DSCAM: variants seen among roughly 807,000 people sequenced by gnomAD.
DSCAM encodes cell adhesion molecule DSCAM.
DSCAM carries 47 observed loss-of-function variants against 217.7 expected under a neutral mutation model. The observed-to-expected ratio is 0.22, with a 90% CI of 0.17 to 0.28. The LOEUF (loss-of-function observed/expected upper bound fraction) is 0.28. Ranked by LOEUF, DSCAM falls within the 10% of genes least tolerant of loss-of-function variation. DSCAM has a pLI of 1.00. For missense variants in DSCAM, 2,080 were observed against 2,618.3 expected (o/e 0.79, Z 4.49); for synonymous variants, 1,056 against 1,015.3 (o/e 1.04, Z -0.76).
intron 1 of DSCAM, among the ~76,000 whole-genome samples, chr21:40,755,177 G>A (rs779881046): frequency 6.6e-6 from 1 of 152,194 alleles, no homozygotes; most frequent in Non-Finnish European, 1.5e-5. Context: ...TCCAGTTACG[G>A]TGGCTCATGC....
intron 3 of DSCAM, among the ~76,000 whole-genome samples, chr21:40,576,263 A>T (rs2076849740): frequency 6.6e-6 from 1 of 152,264 alleles, no homozygotes; most frequent in South Asian, 2.1e-4. Context: ...CAGCAACAAC[A>T]TGTGTGAATT....
chr21:40,190,865 G>C (rs1027240404), intron 11 of DSCAM, among the ~76,000 whole-genome samples: 2 of 152,150 alleles, frequency 1.3e-5, no homozygotes, highest in African/African-American at 4.8e-5. Flanking sequence ...ACAGTTGTCA[G>C]ATACAGACTG....
intron 3 of DSCAM, among the ~76,000 whole-genome samples, chr21:40,606,954 T>A (rs948830622): frequency 1.3e-5 from 2 of 152,212 alleles, no homozygotes; most frequent in African/African-American, 4.8e-5. Context: ...CCTGCTGCCA[T>A]CCTTGTAAAA....
intron 11 of DSCAM, among the ~76,000 whole-genome samples, chr21:40,235,334 A>G (rs2091417725): frequency 6.6e-6 from 1 of 152,192 alleles, no homozygotes; most frequent in Non-Finnish European, 1.5e-5. Flanking sequence ...TTGCCTTATG[A>G]AGTAGGAAAA....
chr21:40,407,971 C>T (rs1569108277), intron 3 of DSCAM, among the ~76,000 whole-genome samples: 1 of 152,110 alleles, frequency 6.6e-6, no homozygotes, highest in African/African-American at 2.4e-5. Context: ...TTCAAGGAGC[C>T]CATCAAAGGA....
At chr21:40,588,711 G>T (rs530741219) in intron 3 of DSCAM, among the ~76,000 whole-genome samples, 71 of 151,716 alleles carry the variant, frequency 4.7e-4, no homozygotes, top group African/African-American at 1.5e-3. Flanking sequence ...TGACCTAGAC[G>T]AAAGAAAAAA....
At chr21:40,431,115 T>G (rs1263003902) in intron 3 of DSCAM, among the ~76,000 whole-genome samples, 1 of 152,240 alleles carries the variant, frequency 6.6e-6, no homozygotes, top group African/African-American at 2.4e-5. Flanking sequence ...CACATCTTCA[T>G]TATCTCTCAT....
chr21:40,161,188 G>T (rs1311017317), intron 16 of DSCAM, among the ~76,000 whole-genome samples: 1 of 152,168 alleles, frequency 6.6e-6, no homozygotes, highest in African/African-American at 2.4e-5. Context: ...CTTTGTGCAT[G>T]CAGGCTGGCA....
chr21:40,573,997 A>G (rs2076829155), intron 3 of DSCAM, among the ~76,000 whole-genome samples: 1 of 89,366 alleles, frequency 1.1e-5, no homozygotes, highest in Admixed American at 9.9e-5. Context: ...AAGCCTTCCC[A>G]TAAAATAAAA....
At chr21:40,652,635 G>T (rs1481331492) in intron 3 of DSCAM, among the ~76,000 whole-genome samples, 1 of 152,188 alleles carries the variant, frequency 6.6e-6, no homozygotes, top group Admixed American at 6.5e-5. Context: ...ATCTAGGCCT[G>T]TGTGCAGTAA....
At chr21:40,187,331 G>A (rs77103474) in intron 13 of DSCAM, 72 bp from the exon 14 acceptor site, 3 of 1,571,612 alleles carry the variant, frequency 1.9e-6, no homozygotes, top group Non-Finnish European at 1.7e-6. Flanking sequence ...TGGAAATGCT[G>A]AGCGTGACTC....
At chr21:40,540,312 A>G (rs146970927) in intron 3 of DSCAM, among the ~76,000 whole-genome samples, 1 of 152,294 alleles carries the variant, frequency 6.6e-6, no homozygotes, top group Non-Finnish European at 1.5e-5. Context: ...TCCTCTAAGA[A>G]GCCTCCATTG....
At chr21:40,769,564 G>A (rs2091426791) in intron 1 of DSCAM, among the ~76,000 whole-genome samples, 1 of 152,180 alleles carries the variant, frequency 6.6e-6, no homozygotes, top group Non-Finnish European at 1.5e-5. Flanking sequence ...AACCATCCCT[G>A]GAGAGGTGGA....
intron 8 of DSCAM, among the ~76,000 whole-genome samples, chr21:40,336,989 C>T (rs575285197): frequency 2.6e-5 from 4 of 152,020 alleles, no homozygotes; most frequent in Admixed American, 1.3e-4. Flanking sequence ...TATTAAAAAC[C>T]GATTTATAAT....
chr21:40,294,772 T>G (rs76173648), intron 10 of DSCAM, among the ~76,000 whole-genome samples: 1 of 152,190 alleles, frequency 6.6e-6, no homozygotes, highest in Non-Finnish European at 1.5e-5. Flanking sequence ...CATGTAATAA[T>G]GCACAATGGA....
chr21:40,477,362 G>A (rs1223003608), intron 3 of DSCAM, among the ~76,000 whole-genome samples: 1 of 152,044 alleles, frequency 6.6e-6, no homozygotes. Flanking sequence ...CAAAAAAGGA[G>A]ATAGTTAAAA....
intron 1 of DSCAM, among the ~76,000 whole-genome samples, chr21:40,828,945 C>A (rs947548865): frequency 6.6e-6 from 1 of 152,226 alleles, no homozygotes; most frequent in Non-Finnish European, 1.5e-5. Context: ...GGTGTGCACA[C>A]ACGGCCACCA....
chr21:40,183,038 A>G (rs9979108), intron 14 of DSCAM, among the ~76,000 whole-genome samples: 6 of 20,658 alleles, frequency 2.9e-4, no homozygotes, highest in East Asian at 9.8e-4. Context: ...AACCGTGGAC[A>G]GGAGGGGGCT....
chr21:40,730,756 C>G (rs1209835254), intron 1 of DSCAM, among the ~76,000 whole-genome samples: 2 of 152,144 alleles, frequency 1.3e-5, no homozygotes, highest in African/African-American at 4.8e-5. Context: ...CCCCAGATTT[C>G]AAATCAGTAG....
Sources: gnomAD v4.1 joint callset for allele counts (sites outside exome capture counted in the v4.1 genomes callset) on GRCh38, gnomAD v4.1.1 for gene constraint, MANE v1.5 for transcripts, NCBI Gene and HGNC (gene_info 2026-07-23, HGNC 2026-07-21) for gene names.